KIFC3: variants seen among roughly 807,000 people sequenced by gnomAD.
The protein encoded by KIFC3 is kinesin family member C3.
KIFC3 carries 60 observed loss-of-function variants against 101.8 expected under a neutral mutation model. The observed-to-expected ratio is 0.59, with a 90% CI of 0.48 to 0.73. KIFC3 has a LOEUF of 0.73. Among genes scored for constraint, KIFC3 ranks in the 30% least tolerant of loss-of-function variants. KIFC3 has a pLI of 0.00. For synonymous variants in KIFC3, 476 were observed against 482.7 expected (o/e 0.99, Z 0.18); for missense variants, 966 against 1,137.1 (o/e 0.85, Z 2.16).
intron 1 of KIFC3, chr16:57,813,614 C>A: frequency 1.1e-6 from 1 of 905,162 alleles, no homozygotes; most frequent in Non-Finnish European, 1.3e-6. Flanking sequence ...ACCTGCATGC[C>A]TGCCGAGTGC....
intron 3 of KIFC3, among the ~76,000 whole-genome samples, chr16:57,789,627 A>G (rs2053671104): frequency 6.6e-6 from 1 of 152,224 alleles, no homozygotes; most frequent in Non-Finnish European, 1.5e-5. Flanking sequence ...AACAGAGAGA[A>G]CGTGAGAAGA....
chr16:57,775,029 G>C, intron 3 of KIFC3: 4 of 1,525,950 alleles, frequency 2.6e-6, no homozygotes, highest in Middle Eastern at 1.7e-4. Context: ...CCCTGATGCA[G>C]GGAGAGTGGG....
chr16:57,807,486 G>GCT (rs1443276669), upstream of KIFC3: 1 of 152,186 alleles, frequency 6.6e-6, no homozygotes, highest in Non-Finnish European at 1.5e-5. Context: ...ATCCTTGTCT[G>GCT]CTCTAGACCC....
At chr16:57,823,761 T>TTGTGTGTGTGTG (rs542476459) in intron 1 of KIFC3, among the ~76,000 whole-genome samples, 17,780 of 136,350 alleles carry the variant, frequency 0.13, 1,392 homozygotes, top group East Asian at 0.19. Flanking sequence ...CCCGGCTACT[T>TTGTGTGTGTGTG]TGTGTGTGTG....
At chr16:57,785,587 C>T (rs2053236793) in intron 3 of KIFC3, 1 of 1,287,306 alleles carries the variant, frequency 7.8e-7, no homozygotes. Flanking sequence ...ACATGGCCTC[C>T]ACCATCCTAA....
At chr16:57,815,452 G>A (rs542318897) in intron 1 of KIFC3, 53 of 1,197,086 alleles carry the variant, frequency 4.4e-5, no homozygotes, top group Middle Eastern at 3.4e-4. Flanking sequence ...TCCAAAGCCC[G>A]AGGGGCTGCT....
chr16:57,819,711 C>A (rs1177426560), intron 1 of KIFC3, among the ~76,000 whole-genome samples: 2 of 152,094 alleles, frequency 1.3e-5, no homozygotes, highest in Non-Finnish European at 2.9e-5. Context: ...CAGGCACCTG[C>A]CACTGCACCC....
At chr16:57,778,999 G>A (rs188017406) in intron 3 of KIFC3, among the ~76,000 whole-genome samples, 5 of 152,172 alleles carry the variant, frequency 3.3e-5, no homozygotes, top group South Asian at 4.2e-4. Flanking sequence ...AAAATGGTGC[G>A]GCCACTATGG....
intron 1 of KIFC3, among the ~76,000 whole-genome samples, chr16:57,834,600 C>T (rs1014382626): frequency 1.3e-5 from 2 of 152,162 alleles, no homozygotes; most frequent in Non-Finnish European, 2.9e-5. Context: ...TAGCCTCAAC[C>T]CCCTGGACTC....
At chr16:57,833,525 G>T (rs569428812) in intron 1 of KIFC3, among the ~76,000 whole-genome samples, 3 of 152,280 alleles carry the variant, frequency 2.0e-5, no homozygotes, top group East Asian at 1.9e-4. Flanking sequence ...AGCTCAGAAG[G>T]TCTTCCGGCT....
In KIFC3 at chr16:57,769,860, C is replaced by A. The variant is rs2050940668; in HGVS notation, c.1035G>T (p.Glu345Asp). The A allele has an allele frequency of 1.2e-6, 2 of 1,613,758 alleles. No individual in the cohort carries two copies. The highest frequency in any genetic ancestry group is 1.7e-6 in the Non-Finnish European group (2 of 1,180,050). The part of the protein sequence containing the change: ...LEEDKNRAIE[E>D]AFARAQVEMK... Reference sequence around the variant, plus strand: ...TCTCCACCTGGGCTCTGGCAAAGGCCTCCTCAATGGCCCGGTTCTTGTCCT... The same window carrying A: ...TCTCCACCTGGGCTCTGGCAAAGGCATCCTCAATGGCCCGGTTCTTGTCCT... Residue 345 changes from glutamate (E) to aspartate (D), a missense_variant, in exon 8 of 20, where the codon GAG becomes GAT. By Grantham distance (45) the Glu-to-Asp change is conservative. Coordinates refer to ENST00000445690, the MANE Select transcript of KIFC3 (RefSeq NM_001130100.2). The surrounding 1 kb of genome is among the most constrained non-coding windows in gnomAD (Gnocchi z 4.3).
intron 1 of KIFC3, among the ~76,000 whole-genome samples, chr16:57,852,959 A>G (rs1176175423): frequency 1.3e-5 from 2 of 152,198 alleles, no homozygotes; most frequent in Admixed American, 1.3e-4. Flanking sequence ...TTTTTTGTAC[A>G]GAACTAAAAT....
At chr16:57,759,318 C>G (rs1190825664) in intron 18 of KIFC3, 165 bp from the exon 19 acceptor site, 2 of 781,466 alleles carry the variant, frequency 2.6e-6, no homozygotes, top group African/African-American at 3.5e-5. Flanking sequence ...TGGCGGGGCT[C>G]ACTCCTCACC....
chr16:57,770,474 G>C (rs549957336), intron 7 of KIFC3, 53 bp downstream of exon 7: 1 of 1,353,146 alleles, frequency 7.4e-7, no homozygotes, highest in Admixed American at 3.5e-5. Flanking sequence ...ATTGGCCCAA[G>C]GGCCTGCCTC....
At chr16:57,787,863 A>G (rs1368044601) in intron 3 of KIFC3, among the ~76,000 whole-genome samples, 1 of 152,226 alleles carries the variant, frequency 6.6e-6, no homozygotes, top group Non-Finnish European at 1.5e-5. Context: ...TGGCAAGTTC[A>G]GACACACAAG....
chr16:57,790,114 C>G (rs1287992359), intron 3 of KIFC3, among the ~76,000 whole-genome samples: 2 of 127,464 alleles, frequency 1.6e-5, no homozygotes, highest in Non-Finnish European at 3.2e-5. Context: ...GAGTTTCACT[C>G]TGTGGCCCAG....
upstream of KIFC3, among the ~76,000 whole-genome samples, chr16:57,805,673 C>CTT (rs5817120): frequency 8.4e-4 from 82 of 98,000 alleles, 3 homozygotes; most frequent in African/African-American, 2.7e-3. Flanking sequence ...TGCCCATAGA[C>CTT]TTTTTTTTTT....
intron 13 of KIFC3, 142 bp from the exon 14 acceptor site, chr16:57,761,678 G>A: frequency 1.2e-6 from 1 of 867,196 alleles, no homozygotes; most frequent in African/African-American, 1.7e-5. Flanking sequence ...TCCTCCTCCA[G>A]CTCCTCCACC....
intron 1 of KIFC3, among the ~76,000 whole-genome samples, chr16:57,812,964 G>A (rs991859466): frequency 6.6e-6 from 1 of 152,178 alleles, no homozygotes; most frequent in Non-Finnish European, 1.5e-5. Context: ...GATCCATCAC[G>A]AGGGCTAAAC....
Sources: allele counts gnomAD v4.1 joint callset (sites outside exome capture counted in the v4.1 genomes callset), GRCh38; gene constraint gnomAD v4.1.1; non-coding constraint Gnocchi (gnomAD v3.1); transcripts MANE v1.5; gene names NCBI Gene and HGNC (gene_info 2026-07-23, HGNC 2026-07-21).